The following GJC1 variants were observed in gnomAD, a reference collection of about 807,000 sequenced individuals.
The protein encoded by GJC1 is gap junction protein gamma 1, also known as gap junction gamma-1 protein.
A neutral mutation model predicts 29.3 loss-of-function variants in GJC1; 5 were observed. The observed-to-expected ratio is 0.17, with a 90% CI of 0.09 to 0.36. The LOEUF (loss-of-function observed/expected upper bound fraction) is 0.36, where lower values mean the gene tolerates loss of function less well. Ranked by LOEUF, GJC1 falls within the 10% of genes least tolerant of loss-of-function variation. The probability of loss-of-function intolerance (pLI) is 1.00; values close to 1 mark genes in which losing one functional copy is unlikely to be tolerated. For missense variants in GJC1, 310 were observed against 496.2 expected, an observed-to-expected ratio of 0.62 and a Z score of 3.56; for synonymous variants, 177 against 183.3, an observed-to-expected ratio of 0.97 and a Z score of 0.28.
chr17:44,819,399 C>T (rs973817212), intron 1 of GJC1, among the ~76,000 whole-genome samples: 1 of 152,090 alleles, frequency 6.6e-6, no homozygotes, highest in African/African-American at 2.4e-5. Flanking sequence ...TGGCTCACGC[C>T]TGTAATCCCA....
chr17:44,810,157 C>T lies in GJC1; in HGVS notation c.-96-2688G>A, dbSNP rs968832134. Among the ~76,000 whole-genome samples the T allele has an allele frequency of 6.6e-5, 10 of 151,844 alleles. 1 individual carries two copies. The highest frequency in any genetic ancestry group is 5.9e-4 in the Admixed American group (9 of 15,214). On this transcript the variant is annotated intron_variant, in intron 1 of 2. Transcript: ENST00000592524. ...GATTACAAGCGTGAGCCACCACGCC[C>T]AGCTAATTTTGTATTTTTAGTAGAG...
chr17:44,820,464 G>T (rs552077568), intron 1 of GJC1, among the ~76,000 whole-genome samples: 1 of 152,254 alleles, frequency 6.6e-6, no homozygotes, highest in Non-Finnish European at 1.5e-5. Flanking sequence ...CTATCTCAGA[G>T]TAAAATTCAC....
At chr17:44,826,722 G>A (rs2050181143) in intron 1 of GJC1, among the ~76,000 whole-genome samples, 1 of 152,108 alleles carries the variant, frequency 6.6e-6, no homozygotes, top group South Asian at 2.1e-4. Flanking sequence ...TGACTAACAG[G>A]TCATTCACTC....
Position 44,804,686 on chromosome 17 carries a change from A to C in GJC1, c.1132T>G (p.Ser378Ala). 3 of 1,614,066 alleles carry C rather than the reference A, an allele frequency of 1.9e-6. No individual in the cohort carries two copies. The highest frequency in any genetic ancestry group is 2.5e-6 in the Non-Finnish European group (3 of 1,180,008). ...TTGCTACTGGCAGTGCTTTTGTTGG[A>C]CCCAGCTTTGGACCCCACTTTGGCC... ...KKAKVGSKAG[S>A]NKSTASSKSG... The change falls in exon 3 of 3, where the codon TCC (serine) becomes GCC (alanine). Residue 378 changes from serine to alanine, a missense_variant. Physicochemically the swap from Ser to Ala is moderately conservative, Grantham distance 99 (BLOSUM62 1). Around this residue, in one of 4 missense-constraint regions of GJC1, gnomAD observed 146 missense variants for 165.0 expected, o/e 0.88. Coordinates refer to ENST00000592524, the MANE Select transcript of GJC1 (RefSeq NM_005497.4).
In GJC1 at chr17:44,804,916, T is replaced by A; in HGVS notation, c.902A>T (p.Tyr301Phe). The change falls in exon 3 of 3, where the codon TAC becomes TTC. Residue 301 changes from tyrosine (Y) to phenylalanine (F), a missense_variant. Transcript: ENST00000592524. ...NIAVKPDQIQ[Y>F]TELSNAKIAY... ...GATCTTAGCATTGGACAGTTCGGTGTACTGGATTTGATCTGGTTTGACAGC... is the reference window on the plus strand; with the variant it reads ...GATCTTAGCATTGGACAGTTCGGTGAACTGGATTTGATCTGGTTTGACAGC... The A allele has an allele frequency of 6.2e-7, 1 of 1,614,186 alleles. No homozygotes were observed. Among genetic ancestry groups the A allele is most frequent in the Non-Finnish European group, 8.5e-7 (1 of 1,180,032 alleles).
intron 2 of GJC1, among the ~76,000 whole-genome samples, chr17:44,806,906 G>T (rs2049919462): frequency 6.6e-6 from 1 of 151,992 alleles, no homozygotes. Flanking sequence ...TAAGAAGATG[G>T]TACAGCTACA....
At chr17:44,812,772 C>A (rs149634881) in intron 1 of GJC1, among the ~76,000 whole-genome samples, 2 of 151,586 alleles carry the variant, frequency 1.3e-5, no homozygotes, top group African/African-American at 4.8e-5. Context: ...CTCAGCCTCC[C>A]GAATAGCTGG....
intron 1 of GJC1, among the ~76,000 whole-genome samples, chr17:44,824,765 G>A (rs557532543): frequency 3.4e-5 from 5 of 146,182 alleles, no homozygotes; most frequent in Non-Finnish European, 5.9e-5. Context: ...AGCCGAGATC[G>A]CACCACTGCA....
chr17:44,812,651 C>CT (rs1009889819), intron 1 of GJC1, among the ~76,000 whole-genome samples: 81 of 146,006 alleles, frequency 5.5e-4, no homozygotes, highest in Middle Eastern at 7.3e-3. Context: ...TAAAAATGAA[C>CT]TTTTTTTTTT....
chr17:44,794,623 A>G (rs2049773512), downstream of GJC1: 1 of 152,244 alleles, frequency 6.6e-6, no homozygotes, highest in African/African-American at 2.4e-5. Context: ...ATAGGAGTAC[A>G]CAAACTAAAA....
At chr17:44,796,010 C>G (rs1221598009), downstream of GJC1, among the ~76,000 whole-genome samples, 1 of 152,220 alleles carries the variant, frequency 6.6e-6, no homozygotes, top group Non-Finnish European at 1.5e-5. Flanking sequence ...CCCGGGCTCT[C>G]CTCTGACTGC....
Position 44,802,595 on chromosome 17 carries a change from T to C in GJC1, c.*2032A>G, listed in dbSNP as rs888486142. 6.6e-6 allele frequency: 1 copy of C among 152,174 alleles called. No homozygotes were observed. The highest frequency in any genetic ancestry group is 1.5e-5 in the Non-Finnish European group (1 of 68,026). The allele number at this position is 152,174 out of a possible 1,614,324, so 9.4% of individuals were successfully genotyped here. On this transcript the variant is annotated 3_prime_UTR_variant, in exon 3 of 3. Coordinates refer to ENST00000592524, the MANE Select transcript of GJC1 (RefSeq NM_005497.4). ...TCCTTCAGTCTCACCTGAGTTTAAT[T>C]TTTGCCTAAGATGTTTAGAGTTCCT...
At chr17:44,811,541 C>T (rs569149938) in intron 1 of GJC1, among the ~76,000 whole-genome samples, 3 of 152,110 alleles carry the variant, frequency 2.0e-5, no homozygotes, top group African/African-American at 7.2e-5. Flanking sequence ...TGCACGCCAC[C>T]ATGCCTGGCT....
At chr17:44,807,600 AC>A (rs1256140259) in intron 1 of GJC1, 131 bp from the exon 2 acceptor site, 1 of 152,194 alleles carries the variant, frequency 6.6e-6, no homozygotes, top group Non-Finnish European at 1.5e-5. Context: ...TAAGATAGAA[AC>A]AGGCTTGAGT....
chr17:44,824,014 C>A (rs941291825), intron 1 of GJC1, among the ~76,000 whole-genome samples: 2 of 147,080 alleles, frequency 1.4e-5, no homozygotes, highest in Non-Finnish European at 3.0e-5. Context: ...GCCTGGCCCT[C>A]TTTTCGTTTT....
downstream of GJC1, among the ~76,000 whole-genome samples, chr17:44,796,889 C>A (rs563113565): frequency 6.8e-4 from 104 of 152,136 alleles, 1 homozygote; most frequent in Middle Eastern, 6.8e-3. Flanking sequence ...GCTCTGTCAT[C>A]CAGGGTGGCG....
intron 1 of GJC1, among the ~76,000 whole-genome samples, chr17:44,811,388 CTT>C (rs573359174): frequency 1.5e-4 from 19 of 128,042 alleles, no homozygotes; most frequent in Admixed American, 3.2e-4. Flanking sequence ...GGCCTTTTTT[CTT>C]TTTTTTTTTT....
At chr17:44,827,330 G>A (rs569408660) in intron 1 of GJC1, among the ~76,000 whole-genome samples, 8 of 151,220 alleles carry the variant, frequency 5.3e-5, no homozygotes, top group Admixed American at 2.0e-4. Flanking sequence ...GCTAAACTCC[G>A]TCTCAAAAAC....
rs2049900104 is a variant in GJC1, at chr17:44,805,281, C to T, written c.537G>A (p.Leu179=). The change falls in exon 3 of 3, where the codon CTG becomes CTA. Residue 179 remains leucine, a synonymous_variant. Coordinates refer to ENST00000592524, the MANE Select transcript of GJC1 (RefSeq NM_005497.4). This position sits in a 1 kb window ranked among gnomAD's most constrained non-coding sequence, Gnocchi z 5.1. ...CAAACACGGTCCTTGCCAGCAACTG[C>T]AGCACATAGATTTTCATGAGCCCAT... ...REDGLMKIYV[L]QLLARTVFEV... 3 of 1,614,206 alleles carry T rather than the reference C, an allele frequency of 1.9e-6. No homozygotes were observed. The highest frequency in any genetic ancestry group is 2.2e-5 in the South Asian group (2 of 91,078).
Sources: allele counts gnomAD v4.1 joint callset (sites outside exome capture counted in the v4.1 genomes callset), GRCh38; gene constraint gnomAD v4.1.1; regional missense constraint gnomAD v4.1.1; non-coding constraint Gnocchi (gnomAD v3.1); transcripts MANE v1.5; gene names NCBI Gene and HGNC (gene_info 2026-07-23, HGNC 2026-07-21).